Variants in ESR2 observed in about 807,000 individuals in gnomAD.
ESR2 encodes estrogen receptor beta.
In ESR2, 36 loss-of-function variants were observed where a neutral mutation model predicts 49.6. The observed-to-expected ratio is 0.73, with a 90% CI of 0.56 to 0.96. ESR2 has a LOEUF of 0.96. ESR2 is among the 40% of genes least tolerant of loss of function. The probability of loss-of-function intolerance (pLI) is 0.00; values close to 1 mark genes in which losing one functional copy is unlikely to be tolerated. For missense variants in ESR2, 714 were observed against 693.0 expected (o/e 1.03, Z -0.34); for synonymous variants, 320 against 266.1 (o/e 1.20, Z -1.97).
chr14:64,288,430 G>C (rs940979406), intron 1 of ESR2, among the ~76,000 whole-genome samples: 42 of 149,584 alleles, frequency 2.8e-4, no homozygotes, highest in Non-Finnish European at 3.0e-5. Flanking sequence ...CTCACTGCAA[G>C]CTCCACCTCC....
chr14:64,257,167 A>C, intron 6 of ESR2, 59 bp downstream of exon 6: 1 of 1,532,662 alleles, frequency 6.5e-7, no homozygotes, highest in Non-Finnish European at 9.0e-7. Context: ...CTTTGTTCCC[A>C]CTCACTAAGC....
intron 7 of ESR2, among the ~76,000 whole-genome samples, chr14:64,246,631 G>T (rs372238382): frequency 2.0e-5 from 3 of 149,662 alleles, no homozygotes; most frequent in African/African-American, 7.4e-5. Context: ...GGATGCTGAG[G>T]CATCGCTTGA....
At chr14:64,308,466 T>C (rs574288170) in intron 1 of ESR2, among the ~76,000 whole-genome samples, 7 of 152,292 alleles carry the variant, frequency 4.6e-5, no homozygotes, top group Admixed American at 3.3e-4. Context: ...GATATAGAAG[T>C]TTTATTTTCC....
At chr14:64,324,743 G>A (rs916028190) in intron 1 of ESR2, among the ~76,000 whole-genome samples, 6 of 152,142 alleles carry the variant, frequency 3.9e-5, no homozygotes, top group African/African-American at 9.7e-5. Flanking sequence ...TAACAGTTAC[G>A]TTTAGAGTGA....
chr14:64,271,451 G>C (rs182346045), intron 3 of ESR2, among the ~76,000 whole-genome samples: 2 of 152,174 alleles, frequency 1.3e-5, no homozygotes, highest in East Asian at 3.9e-4. Flanking sequence ...TCAGCCTCCC[G>C]AGTAGCTGGG....
rs780668361 is a variant in ESR2 at position 64,235,154 on chromosome 14, G to A, written c.1226-4C>T. 1 of 1,609,730 alleles carries A rather than the reference G, an allele frequency of 6.2e-7. No homozygotes were observed. Among genetic ancestry groups the A allele is most frequent in the Admixed American group, 1.7e-5 (1 of 59,976 alleles). Reference sequence around the variant, plus strand: ...GCTGTGACCAGAGGGTACATACCTGGACAAAGAATAAAAGCCAGAAGTCAT... The same window carrying A: ...GCTGTGACCAGAGGGTACATACCTGAACAAAGAATAAAAGCCAGAAGTCAT... On this transcript the variant is annotated splice_region_variant and splice_polypyrimidine_tract_variant and intron_variant, in intron 7 of 8. Coordinates refer to ENST00000341099, the MANE Select transcript of ESR2 (RefSeq NM_001437.3).
chr14:64,328,826 G>T (rs1420255519), intron 1 of ESR2, among the ~76,000 whole-genome samples: 5 of 152,144 alleles, frequency 3.3e-5, no homozygotes, highest in Non-Finnish European at 7.3e-5. Flanking sequence ...TACAATATAA[G>T]AGGTAGATCC....
chr14:64,315,290 T>C (rs1251487319), intron 1 of ESR2, among the ~76,000 whole-genome samples: 1 of 150,346 alleles, frequency 6.7e-6, no homozygotes, highest in Non-Finnish European at 1.5e-5. Context: ...AGACGCTAGT[T>C]ACCAGTATTC....
chr14:64,318,782 C>A (rs973324192), intron 1 of ESR2, among the ~76,000 whole-genome samples: 1 of 151,780 alleles, frequency 6.6e-6, no homozygotes, highest in Non-Finnish European at 1.5e-5. Flanking sequence ...GTGGTTCATG[C>A]CTGTAATCCC....
At chr14:64,278,736 AG>A (rs1273515661) in intron 3 of ESR2, among the ~76,000 whole-genome samples, 1 of 152,316 alleles carries the variant, frequency 6.6e-6, no homozygotes, top group African/African-American at 2.4e-5. Flanking sequence ...AGACACATGC[AG>A]GGAGATGAGC....
chr14:64,337,265 GGC>G (rs2077543072), intron 1 of ESR2: 1 of 152,228 alleles, frequency 6.6e-6, no homozygotes, highest in Admixed American at 6.5e-5. Flanking sequence ...TGCAGCTGTA[GGC>G]AACTTATCCT....
intron 6 of ESR2, among the ~76,000 whole-genome samples, chr14:64,253,554 C>T (rs2140694192): frequency 1.5e-5 from 2 of 130,664 alleles, no homozygotes; most frequent in East Asian, 4.4e-4. Context: ...CTTAGGGGTA[C>T]ACTATTTGTG....
Position 64,260,621 on chromosome 14 carries a change from C to T in ESR2, c.780G>A (p.Leu260=). 6.2e-7 allele frequency: 1 copy of T among 1,610,820 alleles called. No individual in the cohort carries two copies. The highest frequency in any genetic ancestry group is 8.5e-7 in the Non-Finnish European group (1 of 1,178,362). Residue 260 remains leucine, a synonymous_variant, in exon 5 of 9, where the codon CTG becomes CTA. Coordinates refer to ENST00000341099, the MANE Select transcript of ESR2 (RefSeq NM_001437.3). The part of the protein sequence containing the change: ...GHAPRVRELL[L]DALSPEQLVL... ...CTAGCTGCTCGGGGCTCAGGGCGTCCAGCAGCAGCTCCCGCACTCGGGGCG... is the reference window on the plus strand; with the variant it reads ...CTAGCTGCTCGGGGCTCAGGGCGTCTAGCAGCAGCTCCCGCACTCGGGGCG...
chr14:64,248,956 G>A (rs931992814), intron 7 of ESR2, among the ~76,000 whole-genome samples: 1 of 152,172 alleles, frequency 6.6e-6, no homozygotes, highest in Non-Finnish European at 1.5e-5. Context: ...CTTCAGCACT[G>A]CATTTTAAAG....
intron 1 of ESR2, among the ~76,000 whole-genome samples, chr14:64,306,179 G>A (rs1048298916): frequency 4.0e-5 from 6 of 150,954 alleles, no homozygotes; most frequent in African/African-American, 1.5e-4. Context: ...TCCAGCCTGG[G>A]TGACAAGAGC....
intron 1 of ESR2, among the ~76,000 whole-genome samples, chr14:64,299,956 G>A (rs1256027): frequency 0.043 from 6,594 of 152,034 alleles, 517 homozygotes; most frequent in East Asian, 0.37. Context: ...TTTTTCTACT[G>A]TCCAGGCAGT....
intron 1 of ESR2, among the ~76,000 whole-genome samples, chr14:64,313,192 C>G (rs994496476): frequency 4.6e-5 from 7 of 151,772 alleles, no homozygotes; most frequent in African/African-American, 1.2e-4. Context: ...CTTAAATGCC[C>G]CCAAACAACA....
In ESR2 at chr14:64,268,839, G is replaced by T. The variant is rs2076382664; in HGVS notation, c.608C>A (p.Ala203Asp). ...TTCGTAACACTTCCGAAGTCGGCAGGCCTGGCAGCTCTTGCGCCGGTTTTT... is the reference window on the plus strand; with the variant it reads ...TTCGTAACACTTCCGAAGTCGGCAGTCCTGGCAGCTCTTGCGCCGGTTTTT... ...IDKNRRKSCQ[A>D]CRLRKCYEVG... is the part of the protein sequence containing the mutation. The change falls in exon 4 of 9, where the codon GCC (alanine) becomes GAC (aspartate). Residue 203 changes from alanine to aspartate, a missense_variant. Transcript: ENST00000341099. 6.2e-7 allele frequency: 1 copy of T among 1,613,742 alleles called. No homozygotes were observed. The highest frequency in any genetic ancestry group is 8.5e-7 in the Non-Finnish European group (1 of 1,179,724).
chr14:64,284,365 T>G (rs575395957), intron 1 of ESR2, among the ~76,000 whole-genome samples: 2 of 151,946 alleles, frequency 1.3e-5, no homozygotes, highest in South Asian at 4.2e-4. Context: ...TCACTCTTGT[T>G]GCCTAGGCTG....
Sources: gnomAD v4.1 joint callset for allele counts (sites outside exome capture counted in the v4.1 genomes callset) on GRCh38, gnomAD v4.1.1 for gene constraint, MANE v1.5 for transcripts, NCBI Gene and HGNC (gene_info 2026-07-23, HGNC 2026-07-21) for gene names.